CRLF3: variants seen among roughly 807,000 people sequenced by gnomAD.
CRLF3 encodes cytokine receptor-like factor 3.
A neutral mutation model predicts 55.0 loss-of-function variants in CRLF3; 33 were observed. The ratio of observed to expected loss-of-function variants is 0.60; its 90% CI spans 0.46 to 0.80. CRLF3 has a LOEUF of 0.80. Among genes scored for constraint, CRLF3 ranks in the 30% least tolerant of loss-of-function variants. CRLF3 has a pLI of 0.00. For missense variants in CRLF3, 494 were observed against 538.4 expected (o/e 0.92, Z 0.82); for synonymous variants, 238 against 196.8 (o/e 1.21, Z -1.75).
At chr17:30,811,546 G>A (rs111759003) in intron 1 of CRLF3, among the ~76,000 whole-genome samples, 14 of 152,020 alleles carry the variant, frequency 9.2e-5, no homozygotes, top group African/African-American at 3.4e-4. Flanking sequence ...GCTCATGCCT[G>A]TAATCCCAGC....
rs535003623 is a variant in CRLF3, at chr17:30,791,501, C to T, written c.959+939G>A. Among the ~76,000 whole-genome samples the T allele has an allele frequency of 1.1e-4, 16 of 151,684 alleles. No homozygotes were observed. In the South Asian group the frequency reaches 3.1e-3, roughly 30 times the overall value. ...GGATTACAAGTGTGAGCCACTGCGT[C>T]CAGTCTCTTGGCCTCTAAAATTTTT... On this transcript the variant is annotated intron_variant, in intron 6 of 7. Coordinates refer to ENST00000324238, the MANE Select transcript of CRLF3 (RefSeq NM_015986.4).
Position 30,811,535 on chromosome 17 carries a change from G to A in CRLF3, c.130-7427C>T, listed in dbSNP as rs149828119. On this transcript the variant is annotated intron_variant, in intron 1 of 7. Transcript: ENST00000324238. ...AAAATAAAAGACAGCCGGGTACAGC[G>A]GCTCATGCCTGTAATCCCAGCACTT... Among the ~76,000 whole-genome samples, 1,114 of 151,954 alleles carry A rather than the reference G, an allele frequency of 7.3e-3. 7 individuals are homozygous for A. Among genetic ancestry groups the A allele is most frequent in the South Asian group, 0.021 (100 of 4,810 alleles).
intron 1 of CRLF3, among the ~76,000 whole-genome samples, chr17:30,821,736 A>G (rs888372784): frequency 6.6e-6 from 1 of 152,200 alleles, no homozygotes; most frequent in Non-Finnish European, 1.5e-5. Flanking sequence ...GCAAATCCAT[A>G]GAGACAAAGT....
intron 6 of CRLF3, chr17:30,787,714 G>C (rs1971679897): frequency 6.6e-6 from 1 of 152,128 alleles, no homozygotes; most frequent in South Asian, 2.1e-4. Context: ...GTATGGGGAG[G>C]AGGGGCCGGG....
intron 1 of CRLF3, among the ~76,000 whole-genome samples, chr17:30,808,277 ATTTTTTTTTTTTTT>A (rs71138901): frequency 1.8e-5 from 1 of 54,862 alleles, no homozygotes; most frequent in African/African-American, 6.7e-5. Context: ...TAGAACCTAT[ATTTTTTTTTTTTTT>A]TTTTTTTTTT....
chr17:30,793,496 A>G lies in CRLF3; in HGVS notation c.780T>C (p.Ser260=). 1 of 1,613,852 alleles carries G rather than the reference A, an allele frequency of 6.2e-7. No homozygotes were observed. Among genetic ancestry groups the G allele is most frequent in the Non-Finnish European group, 8.5e-7 (1 of 1,179,978 alleles). ...GACCTATCTGGGGGACACTCCAAGG[A>G]CTCCACTCCTGTCGGCCATCTCCTC... ...CARGDGRQEW[S]PWSVPQIGHS... is the part of the protein sequence containing the mutation. The change falls in exon 5 of 8, where the codon AGT becomes AGC. Residue 260 remains serine, a synonymous_variant. Coordinates refer to ENST00000324238, the MANE Select transcript of CRLF3 (RefSeq NM_015986.4).
At chr17:30,791,116 C>A (rs892696371) in intron 6 of CRLF3, among the ~76,000 whole-genome samples, 1 of 151,902 alleles carries the variant, frequency 6.6e-6, no homozygotes, top group African/African-American at 2.4e-5. Flanking sequence ...CGGGTCTTGC[C>A]CTGTTGCCAG....
intron 6 of CRLF3, among the ~76,000 whole-genome samples, chr17:30,791,350 C>A (rs1055875108): frequency 6.6e-6 from 1 of 150,462 alleles, no homozygotes; most frequent in African/African-American, 2.4e-5. Context: ...GGATTACAGG[C>A]GGGAGCCATT....
intron 1 of CRLF3, among the ~76,000 whole-genome samples, chr17:30,804,489 C>G (rs1904330254): frequency 6.6e-6 from 1 of 152,154 alleles, no homozygotes; most frequent in African/African-American, 2.4e-5. Context: ...CAACATCTCC[C>G]CATCCCCAAC....
intron 2 of CRLF3, among the ~76,000 whole-genome samples, chr17:30,799,533 CT>C (rs561989013): frequency 1.5e-3 from 214 of 144,638 alleles, no homozygotes; most frequent in Admixed American, 1.6e-3. Context: ...CAGGATTTAT[CT>C]TTTTTTTTTT....
intron 1 of CRLF3, among the ~76,000 whole-genome samples, chr17:30,823,971 G>A (rs757017632): frequency 1.1e-4 from 17 of 151,950 alleles, no homozygotes; most frequent in Admixed American, 2.6e-4. Context: ...ATTCAAGATC[G>A]TATGACATAT....
intron 1 of CRLF3, among the ~76,000 whole-genome samples, chr17:30,809,054 G>C (rs1904526223): frequency 6.6e-6 from 1 of 152,194 alleles, no homozygotes; most frequent in South Asian, 2.1e-4. Context: ...TTGCTCTTTA[G>C]CGGATATAGC....
intron 3 of CRLF3, among the ~76,000 whole-genome samples, chr17:30,797,083 G>T (rs1971929472): frequency 6.6e-6 from 1 of 151,942 alleles, no homozygotes; most frequent in Non-Finnish European, 1.5e-5. Context: ...TAGAGACAGG[G>T]TTTCAACATG....
intron 6 of CRLF3, chr17:30,786,936 G>T (rs1971661149): frequency 6.6e-6 from 1 of 152,274 alleles, no homozygotes; most frequent in Non-Finnish European, 1.5e-5. Flanking sequence ...CTGACCTCAG[G>T]TGATCCGCCT....
intron 6 of CRLF3, among the ~76,000 whole-genome samples, chr17:30,791,703 A>AGAT (rs1971805597): frequency 6.8e-6 from 1 of 147,878 alleles, no homozygotes; most frequent in Admixed American, 6.8e-5. Flanking sequence ...TTTATAGTAG[A>AGAT]GATGGGGTTT....
rs1163338509 is a variant in CRLF3, at chr17:30,820,823, C to CAA, written c.129+3698_129+3699dup. Among the ~76,000 whole-genome samples, 603 of 64,512 alleles carry CAA rather than the reference C, an allele frequency of 9.3e-3. 10 individuals are homozygous for CAA. Among genetic ancestry groups the CAA allele is most frequent in the African/African-American group, 0.029 (479 of 16,704 alleles). The allele number at this position is 64,512 out of a possible 152,430, so 42.3% of individuals were successfully genotyped here. The stretch of plus-strand genomic sequence containing the variant: ...CCTGGGCAAAAGAGCGAGACTCTCT[C>CAA]AAAAAAAAAAAAAAAAAAAAAGGAA... On this transcript the variant is annotated intron_variant, in intron 1 of 7. Coordinates refer to ENST00000324238, the MANE Select transcript of CRLF3 (RefSeq NM_015986.4).
rs191726881 is a variant in CRLF3, at chr17:30,789,949, C to A, written c.959+2491G>T. Among the ~76,000 whole-genome samples, 22 of 151,748 alleles carry A rather than the reference C, an allele frequency of 1.4e-4. 1 individual carries two copies. The highest frequency in any genetic ancestry group is 1.1e-3 in the Admixed American group (17 of 15,228). ...AAGGGGTATGTAAGTACAGAAAACTCATGATTACCTGGGGAATAGTTAAAT... is the reference window on the plus strand; with the variant it reads ...AAGGGGTATGTAAGTACAGAAAACTAATGATTACCTGGGGAATAGTTAAAT... On this transcript the variant is annotated intron_variant, in intron 6 of 7. Coordinates refer to ENST00000324238, the MANE Select transcript of CRLF3 (RefSeq NM_015986.4).
chr17:30,784,515 C>G lies in CRLF3; in HGVS notation c.1073-72G>C, dbSNP rs937624972. 12 of 1,289,716 alleles carry G rather than the reference C, an allele frequency of 9.3e-6. No homozygotes were observed. In the African/African-American group the frequency reaches 1.8e-4, roughly 19 times the overall value. 79.9% of individuals were successfully genotyped at this position (1,289,716 alleles called of 1,614,324 possible). A position where few individuals can be genotyped will look rare whatever the true frequency, so the allele number is the denominator to read the frequency against. ...GAGATCTGAAATAGTTTCTAGATTA[C>G]TGGTAACACAGCTCATTTCCTAATT... On this transcript the variant is annotated intron_variant, in intron 7 of 7. Coordinates refer to ENST00000324238, the MANE Select transcript of CRLF3 (RefSeq NM_015986.4).
intron 1 of CRLF3, among the ~76,000 whole-genome samples, chr17:30,808,065 C>T (rs1904473130): frequency 6.6e-6 from 1 of 152,114 alleles, no homozygotes; most frequent in Admixed American, 6.6e-5. Flanking sequence ...CCCTCATCTA[C>T]ATAGCATCTG....
Sources: allele counts gnomAD v4.1 joint callset (sites outside exome capture counted in the v4.1 genomes callset), GRCh38; gene constraint gnomAD v4.1.1; transcripts MANE v1.5; gene names NCBI Gene and HGNC (gene_info 2026-07-23, HGNC 2026-07-21).